Variants in NRG1 observed in about 807,000 individuals in gnomAD.
NRG1 encodes the protein neuregulin 1, also known as pro-neuregulin-1, membrane-bound isoform.
Under a neutral mutation model 63.8 loss-of-function variants are expected in NRG1, and 18 were observed. The ratio of observed to expected loss-of-function variants is 0.28; its 90% CI spans 0.19 to 0.42. The LOEUF (loss-of-function observed/expected upper bound fraction) is 0.42, where lower values mean the gene tolerates loss of function less well. Among genes scored for constraint, NRG1 ranks in the 10% least tolerant of loss-of-function variants. The pLI is 1.00. For synonymous variants in NRG1, 302 were observed against 301.3 expected (o/e 1.00, Z -0.02); for missense variants, 762 against 814.7 (o/e 0.94, Z 0.79).
At chr8:32,541,020 C>A (rs1588175900) in intron 1 of NRG1, among the ~76,000 whole-genome samples, 1 of 151,990 alleles carries the variant, frequency 6.6e-6, no homozygotes, top group East Asian at 1.9e-4. Flanking sequence ...ATTCTTTTCC[C>A]AAATGAATGA....
intron 1 of NRG1, among the ~76,000 whole-genome samples, chr8:31,935,523 GTTGGGATTA>G (rs1835229544): frequency 2.0e-5 from 3 of 152,152 alleles, no homozygotes; most frequent in Non-Finnish European, 4.4e-5. Flanking sequence ...CTCCCAAAAG[GTTGGGATTA>G]CAGGTGTGAC....
rs34593729 is a variant in NRG1 at position 32,233,563 on chromosome 8, A to ATATT, written c.38-362264_38-362263insATTT. On this transcript the variant is annotated intron_variant, in intron 1 of 10. Transcript: ENST00000519301. Reference sequence around the variant, plus strand: ...TATATATATATATATATATATATATATTTTTTTTTTTTTTTCTTTTGAAAC... The same window carrying ATATT: ...TATATATATATATATATATATATATATATTTTTTTTTTTTTTTTTCTTTTGAAAC... Among the ~76,000 whole-genome samples the ATATT allele has an allele frequency of 1.3e-3, 90 of 67,240 alleles. 1 individual carries two copies. The highest frequency in any genetic ancestry group is 0.011 in the Middle Eastern group (1 of 90). The allele number at this position is 67,240 out of a possible 152,430, so 44.1% of individuals were successfully genotyped here.
intron 1 of NRG1, among the ~76,000 whole-genome samples, chr8:32,137,172 A>G (rs1250605352): frequency 6.6e-6 from 1 of 152,106 alleles, no homozygotes; most frequent in East Asian, 1.9e-4. Context: ...ATGGCCTGGC[A>G]TGGTGGCTCA....
intron 1 of NRG1, among the ~76,000 whole-genome samples, chr8:31,837,504 G>T (rs1260201590): frequency 2.0e-5 from 3 of 151,968 alleles, no homozygotes; most frequent in Non-Finnish European, 4.4e-5. Context: ...TCATTCCTTT[G>T]TTGTGAGAAC....
At chr8:32,318,682 C>G (rs144100965) in intron 1 of NRG1, among the ~76,000 whole-genome samples, 13 of 152,286 alleles carry the variant, frequency 8.5e-5, no homozygotes, top group African/African-American at 2.9e-4. Context: ...TTTTTCCACA[C>G]TTATGTACCA....
At chr8:32,248,149 CA>C (rs1341693664) in intron 1 of NRG1, among the ~76,000 whole-genome samples, 1 of 152,016 alleles carries the variant, frequency 6.6e-6, no homozygotes, top group Non-Finnish European at 1.5e-5. Context: ...ACATGTTCTG[CA>C]AACCTTGCAT....
chr8:31,853,351 G>C lies in NRG1; in HGVS notation c.37+213920G>C, dbSNP rs1325105882. 7.3e-5 allele frequency among the ~76,000 whole-genome samples: 11 copies of C among 150,518 alleles called. No individual in the cohort carries two copies. The East Asian group carries it at 1.4e-3, about 19-fold the overall frequency. On this transcript the variant is annotated intron_variant, in intron 1 of 10. Coordinates refer to the NRG1 transcript ENST00000519301. ...CATCCCTTGTAAGTTGGATTCCTAG[G>C]TATTTTATTCTCTTTGAAGCAATTG...
chr8:31,937,979 G>C (rs34447688), intron 1 of NRG1, among the ~76,000 whole-genome samples: 12,446 of 152,152 alleles, frequency 0.082, 607 homozygotes, highest in Admixed American at 0.14. Context: ...GGAGGTCTAT[G>C]GCCCTGTCCA....
chr8:32,667,530 T>G (rs777712700), intron 5 of NRG1, among the ~76,000 whole-genome samples: 6 of 152,188 alleles, frequency 3.9e-5, no homozygotes, highest in South Asian at 4.1e-4. Context: ...AACCAAGAAT[T>G]CCTATGGAAA....
intron 1 of NRG1, among the ~76,000 whole-genome samples, chr8:31,710,349 A>G (rs1290596762): frequency 1.3e-5 from 2 of 151,964 alleles, no homozygotes; most frequent in African/African-American, 4.8e-5. Flanking sequence ...CCATAAATCC[A>G]TAAATATGGA....
intron 5 of NRG1, among the ~76,000 whole-genome samples, chr8:32,719,851 G>T (rs1820181079): frequency 6.6e-6 from 1 of 151,962 alleles, no homozygotes; most frequent in African/African-American, 2.4e-5. Flanking sequence ...ACTTAATTTA[G>T]TCCCTGTTGG....
chr8:31,805,672 C>A (rs1272729884), intron 1 of NRG1, among the ~76,000 whole-genome samples: 2 of 151,630 alleles, frequency 1.3e-5, no homozygotes, highest in Non-Finnish European at 2.9e-5. Flanking sequence ...ACTAAAAATA[C>A]AAAAAGTTAG....
intron 1 of NRG1, among the ~76,000 whole-genome samples, chr8:32,319,425 T>C (rs536324063): frequency 6.6e-6 from 1 of 152,254 alleles, no homozygotes; most frequent in Admixed American, 6.5e-5. Context: ...CAGAGAAGCC[T>C]TGAGAACTGC....
At chr8:31,754,407 T>C (rs1173590799) in intron 1 of NRG1, among the ~76,000 whole-genome samples, 2 of 152,056 alleles carry the variant, frequency 1.3e-5, no homozygotes, top group Non-Finnish European at 2.9e-5. Context: ...CTCTCACTCT[T>C]GCTTTGGCCG....
At chr8:31,774,316 A>G (rs1288493457) in intron 1 of NRG1, among the ~76,000 whole-genome samples, 1 of 152,000 alleles carries the variant, frequency 6.6e-6, no homozygotes, top group African/African-American at 2.4e-5. Flanking sequence ...TCTATCCCTT[A>G]CCATGCTTTA....
rs117613992 is a variant in NRG1, at chr8:31,741,690, A to G, written c.37+102259A>G. On this transcript the variant is annotated intron_variant, in intron 1 of 10. Transcript: ENST00000519301. ...GATGATCATTTATCATCCAGTATTA[A>G]CAAAAATCTAGAAATTATGACAATA... 3.9e-3 allele frequency among the ~76,000 whole-genome samples: 589 copies of G among 152,174 alleles called. 1 individual carries two copies. Among genetic ancestry groups the G allele is most frequent in the South Asian group, 0.019 (92 of 4,826 alleles).
chr8:32,369,706 T>C (rs1808558975), intron 1 of NRG1, among the ~76,000 whole-genome samples: 2 of 152,234 alleles, frequency 1.3e-5, no homozygotes, highest in African/African-American at 4.8e-5. Flanking sequence ...AACTTTTTAT[T>C]TAACCAATGC....
chr8:32,325,295 T>C (rs1342534781), intron 1 of NRG1, among the ~76,000 whole-genome samples: 3 of 152,176 alleles, frequency 2.0e-5, no homozygotes, highest in East Asian at 1.9e-4. Flanking sequence ...AAACAGCTGT[T>C]ACGGGGTGGG....
intron 1 of NRG1, among the ~76,000 whole-genome samples, chr8:31,905,287 A>T (rs1488439144): frequency 6.6e-6 from 1 of 152,152 alleles, no homozygotes; most frequent in Non-Finnish European, 1.5e-5. Flanking sequence ...ATTAAAACCA[A>T]ATAATTTCTC....
Sources: gnomAD v4.1 joint callset for allele counts (sites outside exome capture counted in the v4.1 genomes callset) on GRCh38, gnomAD v4.1.1 for gene constraint, MANE v1.5 for transcripts, NCBI Gene and HGNC (gene_info 2026-07-23, HGNC 2026-07-21) for gene names.